The following FOCAD variants were observed in gnomAD, a reference collection of about 807,000 sequenced individuals.
The protein encoded by FOCAD is KIAA1797.
In FOCAD, 198 loss-of-function variants were observed where a neutral mutation model predicts 225.6. That is an observed-to-expected ratio of 0.88 (90% CI 0.78 to 0.99). FOCAD has a LOEUF of 0.99. Among genes scored for constraint, FOCAD ranks in the 50% least tolerant of loss-of-function variants. FOCAD has a pLI of 0.00. For missense variants in FOCAD, 2,713 were observed against 2,123.6 expected (o/e 1.28, Z -5.46); for synonymous variants, 897 against 755.0 (o/e 1.19, Z -3.08).
rs1422220045 is a variant in FOCAD at position 20,995,641 on chromosome 9, G to T, written c.*12G>T. 4 of 1,609,680 alleles carry T rather than the reference G, an allele frequency of 2.5e-6. No individual in the cohort carries two copies. The highest frequency in any genetic ancestry group is 3.4e-6 in the Non-Finnish European group (4 of 1,176,724). ...CATATGGTTGGTGAACAGTTTTGCA[G>T]TAACCAGCAGCATTCTCAGCTGGAT... On this transcript the variant is annotated 3_prime_UTR_variant, in exon 44 of 44. Coordinates refer to ENST00000338382, the MANE Select transcript of FOCAD (RefSeq NM_001375567.1).
At chr9:20,671,336 T>C (rs991555433) in intron 2 of FOCAD, among the ~76,000 whole-genome samples, 1 of 152,324 alleles carries the variant, frequency 6.6e-6, no homozygotes, top group South Asian at 2.1e-4. Flanking sequence ...GCCTTAGTAT[T>C]AGTGAAAACA....
In FOCAD at chr9:20,986,582, G is replaced by A. The variant is rs1053164987; in HGVS notation, c.4906+117G>A. 23 of 878,568 alleles carry A rather than the reference G, an allele frequency of 2.6e-5. No homozygotes were observed. The African/African-American group carries it at 3.8e-4, about 14-fold the overall frequency. The allele number at this position is 878,568 out of a possible 1,614,324, so 54.4% of individuals were successfully genotyped here. A position where few individuals can be genotyped will look rare whatever the true frequency, so the allele number is the denominator to read the frequency against. On this transcript the variant is annotated intron_variant, in intron 40 of 43. Transcript: ENST00000338382. ...GTTTAGTGCTTATTGACACAGGTTAGGCCTTCTGGTGCCAAATGAGGAGTA... is the reference window on the plus strand; with the variant it reads ...GTTTAGTGCTTATTGACACAGGTTAAGCCTTCTGGTGCCAAATGAGGAGTA...
intron 42 of FOCAD, among the ~76,000 whole-genome samples, chr9:20,992,824 G>A (rs1422366317): frequency 6.6e-6 from 1 of 152,140 alleles, no homozygotes; most frequent in Non-Finnish European, 1.5e-5. Context: ...TTAGCTGGGT[G>A]TGGTGGTGTA....
chr9:20,816,426 G>A (rs756152257), intron 11 of FOCAD, among the ~76,000 whole-genome samples: 4 of 152,110 alleles, frequency 2.6e-5, no homozygotes, highest in African/African-American at 7.2e-5. Context: ...TTCATTTGCC[G>A]AAAGTGAGAG....
intron 1 of FOCAD, among the ~76,000 whole-genome samples, chr9:20,714,982 T>C (rs1054296317): frequency 6.6e-6 from 1 of 152,206 alleles, no homozygotes. Flanking sequence ...TTCTCCCTTA[T>C]AAGTTTTGAT....
chr9:20,732,028 G>A (rs1826758018), intron 4 of FOCAD, among the ~76,000 whole-genome samples: 1 of 152,148 alleles, frequency 6.6e-6, no homozygotes, highest in Non-Finnish European at 1.5e-5. Flanking sequence ...TGCCGTGGTG[G>A]TTTGCTGCAG....
intron 35 of FOCAD, among the ~76,000 whole-genome samples, chr9:20,954,351 A>C (rs935031896): frequency 1.3e-5 from 2 of 152,198 alleles, no homozygotes; most frequent in Non-Finnish European, 2.9e-5. Flanking sequence ...TAGTGCTAGG[A>C]ATACATATAT....
chr9:20,746,161 C>T (rs114706144), intron 5 of FOCAD, among the ~76,000 whole-genome samples: 94 of 152,248 alleles, frequency 6.2e-4, no homozygotes, highest in African/African-American at 2.2e-3. Context: ...AAATGTAGCC[C>T]CATTTTTAAT....
chr9:20,734,793 T>C (rs1266962663), intron 4 of FOCAD, among the ~76,000 whole-genome samples: 1 of 152,062 alleles, frequency 6.6e-6, no homozygotes, highest in Non-Finnish European at 1.5e-5. Flanking sequence ...TACAGGCTCA[T>C]GCCACCACAC....
intron 16 of FOCAD, chr9:20,863,268 C>A (rs1430751720): frequency 7.2e-6 from 1 of 138,890 alleles, no homozygotes; most frequent in African/African-American, 2.7e-5. Context: ...TTTTTTTTTT[C>A]ATGCTTACCA....
chr9:20,945,274 T>C (rs1365162431), intron 29 of FOCAD, among the ~76,000 whole-genome samples: 2 of 152,242 alleles, frequency 1.3e-5, no homozygotes, highest in African/African-American at 4.8e-5. Flanking sequence ...TTGGAGTTCA[T>C]GTGATCCAGT....
chr9:20,657,138 G>A (rs1454921760), upstream of FOCAD, among the ~76,000 whole-genome samples: 63 of 152,178 alleles, frequency 4.1e-4, 3 homozygotes, highest in South Asian at 0.011. Flanking sequence ...GGTTTCTGCC[G>A]AGAGATCCGC....
chr9:20,814,587 C>T (rs1284015126), intron 11 of FOCAD, among the ~76,000 whole-genome samples: 3 of 151,938 alleles, frequency 2.0e-5, no homozygotes, highest in African/African-American at 7.3e-5. Flanking sequence ...GAACTCCTGC[C>T]CTCAAGTGAT....
At position 20,923,724 on chromosome 9, in the gene FOCAD, A is replaced by G. The variant is rs372405500; in HGVS notation, c.2917A>G (p.Arg973Gly). Residue 973 changes from arginine (R) to glycine (G), a missense_variant, in exon 25 of 44, where the codon AGA becomes GGA. By Grantham distance (125) the Arg-to-Gly change is moderately radical. Coordinates refer to ENST00000338382, the MANE Select transcript of FOCAD (RefSeq NM_001375567.1). ...AAGCAGCCTTGCTGTCGTCGTATCTAGACATGAAGCCAGCCTCTCCTCAGA... is the reference window on the plus strand; with the variant it reads ...AAGCAGCCTTGCTGTCGTCGTATCTGGACATGAAGCCAGCCTCTCCTCAGA... ...ALSSLAVVVS[R>G]HEASLSSDSD... 6 of 1,613,942 alleles carry G rather than the reference A, an allele frequency of 3.7e-6. No homozygotes were observed. In the African/African-American group the frequency reaches 6.7e-5, roughly 18 times the overall value.
At chr9:20,892,332 G>C (rs901066944) in intron 21 of FOCAD, among the ~76,000 whole-genome samples, 1 of 152,190 alleles carries the variant, frequency 6.6e-6, no homozygotes, top group Non-Finnish European at 1.5e-5. Context: ...CATAGATAGT[G>C]ATTCCTCTGT....
rs544459723 is a variant in FOCAD, at chr9:20,889,650, A to G, written c.2625+4420A>G. Among the ~76,000 whole-genome samples, 62 of 152,286 alleles carry G rather than the reference A, an allele frequency of 4.1e-4. 1 individual carries two copies. Among genetic ancestry groups the G allele is most frequent in the African/African-American group, 1.4e-3 (60 of 41,558 alleles). On this transcript the variant is annotated intron_variant, in intron 21 of 43. Coordinates refer to ENST00000338382, the MANE Select transcript of FOCAD (RefSeq NM_001375567.1). Reference sequence around the variant, plus strand: ...TACATAGCTGAATAACTTTCGCTTTATAATGTCTTGAAATCAAGTAGTATG... The same window carrying G: ...TACATAGCTGAATAACTTTCGCTTTGTAATGTCTTGAAATCAAGTAGTATG...
intron 3 of FOCAD, among the ~76,000 whole-genome samples, chr9:20,718,602 T>C (rs1825531619): frequency 6.6e-6 from 1 of 152,236 alleles, no homozygotes; most frequent in African/African-American, 2.4e-5. Context: ...TCTGCAGACA[T>C]GTTGAAGTAA....
rs1481579548 is a variant in FOCAD at position 20,829,401 on chromosome 9, A to G, written c.1920+6286A>G. On this transcript the variant is annotated intron_variant, in intron 15 of 43. Coordinates refer to ENST00000338382, the MANE Select transcript of FOCAD (RefSeq NM_001375567.1). The stretch of plus-strand genomic sequence containing the variant: ...CTGATGATCAGTGATGTTAATACCA[A>G]CACTTTTTATTATCTGTTTTTTTTT... Among the ~76,000 whole-genome samples, 3 of 145,748 alleles carry G rather than the reference A, an allele frequency of 2.1e-5. No homozygotes were observed. The East Asian group carries it at 6.3e-4, about 31-fold the overall frequency.
At chr9:20,830,863 CAG>C (rs1310654020) in intron 15 of FOCAD, among the ~76,000 whole-genome samples, 1 of 151,912 alleles carries the variant, frequency 6.6e-6, no homozygotes, top group Non-Finnish European at 1.5e-5. Context: ...TTTGTAGAGA[CAG>C]AGTCTCACTA....
Sources: allele counts gnomAD v4.1 joint callset (sites outside exome capture counted in the v4.1 genomes callset), GRCh38; gene constraint gnomAD v4.1.1; transcripts MANE v1.5; gene names NCBI Gene and HGNC (gene_info 2026-07-23, HGNC 2026-07-21).